Variants in GRID2 observed in about 807,000 individuals in gnomAD.
The protein encoded by GRID2 is glutamate receptor ionotropic, delta-2.
GRID2 carries 33 observed loss-of-function variants against 114.8 expected under a neutral mutation model. The observed-to-expected ratio is 0.29, with a 90% CI of 0.22 to 0.38. The LOEUF (loss-of-function observed/expected upper bound fraction) is 0.38, where lower values mean the gene tolerates loss of function less well. Among genes scored for constraint, GRID2 ranks in the 10% least tolerant of loss-of-function variants. GRID2 has a pLI of 1.00. For synonymous variants in GRID2, 505 were observed against 449.9 expected (o/e 1.12, Z -1.55); for missense variants, 1,184 against 1,257.7 (o/e 0.94, Z 0.89).
At chr4:92,696,902 T>G (rs533474061) in intron 2 of GRID2, among the ~76,000 whole-genome samples, 1 of 152,288 alleles carries the variant, frequency 6.6e-6, no homozygotes, top group South Asian at 2.1e-4. Flanking sequence ...GACATTCTTC[T>G]AATAGACTCC....
chr4:93,593,050 C>T (rs931765053), intron 13 of GRID2, among the ~76,000 whole-genome samples: 3 of 151,646 alleles, frequency 2.0e-5, no homozygotes, highest in African/African-American at 7.3e-5. Flanking sequence ...GAATTTAGTC[C>T]ATTTACATTT....
intron 8 of GRID2, among the ~76,000 whole-genome samples, chr4:93,370,380 CACACACACAA>C (rs538989405): frequency 0.014 from 2,141 of 151,220 alleles, 55 homozygotes; most frequent in African/African-American, 0.049. Context: ...CACAGACATA[CACACACACAA>C]ACACACACAA....
chr4:93,108,505 C>T (rs1732456504), intron 3 of GRID2, among the ~76,000 whole-genome samples: 3 of 152,088 alleles, frequency 2.0e-5, no homozygotes, highest in South Asian at 4.1e-4. Flanking sequence ...CATCTTGGAT[C>T]TATTTCAGTG....
intron 10 of GRID2, among the ~76,000 whole-genome samples, chr4:93,435,053 A>C (rs1052868596): frequency 6.6e-6 from 1 of 151,738 alleles, no homozygotes; most frequent in Non-Finnish European, 1.5e-5. Context: ...TGTACTACCT[A>C]TCTCTCTTAT....
intron 13 of GRID2, among the ~76,000 whole-genome samples, chr4:93,564,614 A>G (rs1406456236): frequency 2.0e-5 from 3 of 152,060 alleles, no homozygotes; most frequent in African/African-American, 7.2e-5. Context: ...TAATGAGTGT[A>G]CATTTTGGGG....
chr4:92,951,970 G>A (rs1752074150), intron 2 of GRID2, among the ~76,000 whole-genome samples: 1 of 151,964 alleles, frequency 6.6e-6, no homozygotes, highest in Non-Finnish European at 1.5e-5. Context: ...TGATAGATAA[G>A]GCTTTCCTAA....
intron 2 of GRID2, among the ~76,000 whole-genome samples, chr4:92,840,013 A>G (rs1442241056): frequency 6.6e-6 from 1 of 152,058 alleles, no homozygotes. Context: ...TGTTGAGTGT[A>G]CATATATTTA....
chr4:92,501,706 G>T (rs1014910311), intron 1 of GRID2, among the ~76,000 whole-genome samples: 1 of 152,104 alleles, frequency 6.6e-6, no homozygotes, highest in Non-Finnish European at 1.5e-5. Context: ...CTGCCAACAA[G>T]TTCCTACTAG....
At chr4:92,793,935 C>T (rs1213238980) in intron 2 of GRID2, among the ~76,000 whole-genome samples, 2 of 151,902 alleles carry the variant, frequency 1.3e-5, no homozygotes, top group East Asian at 3.9e-4. Flanking sequence ...GGAGCAGGTA[C>T]ATTGACATTC....
intron 1 of GRID2, among the ~76,000 whole-genome samples, chr4:93,787,665 T>A (rs1734619855): frequency 6.6e-6 from 1 of 151,948 alleles, no homozygotes; most frequent in South Asian, 2.1e-4. Flanking sequence ...AGGGGAGGAG[T>A]TTCGCAGTCT....
chr4:93,527,915 G>A (rs552848200), intron 13 of GRID2, among the ~76,000 whole-genome samples: 12 of 151,898 alleles, frequency 7.9e-5, no homozygotes, highest in East Asian at 7.8e-4. Flanking sequence ...ATGTCTCTAC[G>A]AATTTGAACA....
At chr4:93,320,975 A>G (rs967176) in intron 8 of GRID2, among the ~76,000 whole-genome samples, 109,142 of 151,876 alleles carry the variant, frequency 0.72, 40,635 homozygotes, top group African/African-American at 0.93. Flanking sequence ...AAGGAAGGAA[A>G]GATGATTTTG....
At chr4:93,014,806 A>G (rs912492519) in intron 2 of GRID2, among the ~76,000 whole-genome samples, 1 of 152,168 alleles carries the variant, frequency 6.6e-6, no homozygotes, top group Admixed American at 6.6e-5. Context: ...AATAGTGTCT[A>G]CATCATTATC....
chr4:93,539,084 T>C (rs1272627929), intron 13 of GRID2, among the ~76,000 whole-genome samples: 1 of 151,842 alleles, frequency 6.6e-6, no homozygotes, highest in Non-Finnish European at 1.5e-5. Context: ...CCAGAATAAA[T>C]AGTTTACTTA....
At chr4:93,587,238 T>C (rs1560782265) in intron 13 of GRID2, among the ~76,000 whole-genome samples, 1 of 152,058 alleles carries the variant, frequency 6.6e-6, no homozygotes, top group African/African-American at 2.4e-5. Flanking sequence ...ATGCACAGGA[T>C]TACAAAGGAA....
At chr4:92,841,108 C>A (rs1742858465) in intron 2 of GRID2, among the ~76,000 whole-genome samples, 1 of 151,930 alleles carries the variant, frequency 6.6e-6, no homozygotes, top group African/African-American at 2.4e-5. Flanking sequence ...TTCCTAGTAA[C>A]TCCTCTCCTC....
intron 1 of GRID2, among the ~76,000 whole-genome samples, chr4:92,500,974 C>G (rs1418956589): frequency 6.6e-6 from 1 of 152,088 alleles, no homozygotes; most frequent in Non-Finnish European, 1.5e-5. Context: ...CTTTACAGCT[C>G]TGGTTCTCAT....
At position 92,955,229 on chromosome 4, in the gene GRID2, C is replaced by T. The variant is rs1484611620; in HGVS notation, c.245-129766C>T. Among the ~76,000 whole-genome samples, 21 of 142,014 alleles carry T rather than the reference C, an allele frequency of 1.5e-4. No individual in the cohort carries two copies. The South Asian group carries it at 5.0e-3, about 33-fold the overall frequency. 93.2% of individuals were successfully genotyped at this position (142,014 alleles called of 152,430 possible). The stretch of plus-strand genomic sequence containing the variant: ...ATGGTTGAACTAGTTTACAGTCCCA[C>T]CAACAGTGTAAAAGTGTTCCTATTT... On this transcript the variant is annotated intron_variant, in intron 2 of 15. Coordinates refer to ENST00000282020, the MANE Select transcript of GRID2 (RefSeq NM_001510.4).
chr4:92,650,787 C>T (rs1239438768), intron 2 of GRID2, among the ~76,000 whole-genome samples: 1 of 151,926 alleles, frequency 6.6e-6, no homozygotes, highest in Non-Finnish European at 1.5e-5. Context: ...ATTTCTTTTG[C>T]TTGGTTCCTG....
Sources: allele counts gnomAD v4.1 joint callset (sites outside exome capture counted in the v4.1 genomes callset), GRCh38; gene constraint gnomAD v4.1.1; transcripts MANE v1.5; gene names NCBI Gene and HGNC (gene_info 2026-07-23, HGNC 2026-07-21).